Variants in NLGN1 observed in about 807,000 individuals in gnomAD.
NLGN1 encodes neuroligin-1.
NLGN1 carries 12 observed loss-of-function variants against 65.5 expected under a neutral mutation model. The observed-to-expected ratio is 0.18, with a 90% confidence interval of 0.12 to 0.30. The LOEUF (loss-of-function observed/expected upper bound fraction) is 0.30. Among genes scored for constraint, NLGN1 ranks in the 10% least tolerant of loss-of-function variants. The pLI is 1.00. For missense variants in NLGN1, 750 were observed against 1,007.1 expected (o/e 0.74, Z 3.46); for synonymous variants, 350 against 359.5 (o/e 0.97, Z 0.30).
intron 4 of NLGN1, among the ~76,000 whole-genome samples, chr3:174,147,609 T>C (rs564860123): frequency 3.0e-4 from 45 of 151,756 alleles, no homozygotes; most frequent in Non-Finnish European, 4.1e-4. Flanking sequence ...AATTTCTTTA[T>C]ATTTTTAGTA....
intron 4 of NLGN1, among the ~76,000 whole-genome samples, chr3:174,258,312 T>C (rs1746188896): frequency 6.6e-6 from 1 of 151,890 alleles, no homozygotes; most frequent in South Asian, 2.1e-4. Flanking sequence ...TATAAACAAA[T>C]GAATAAGTGA....
intron 1 of NLGN1, among the ~76,000 whole-genome samples, chr3:173,431,676 C>A (rs1208125518): frequency 3.9e-5 from 6 of 152,166 alleles, no homozygotes; most frequent in Non-Finnish European, 8.8e-5. Context: ...CAGCATCCTA[C>A]ACCAGAGTGG....
At chr3:173,722,487 G>A (rs1456961336) in intron 3 of NLGN1, among the ~76,000 whole-genome samples, 4 of 151,962 alleles carry the variant, frequency 2.6e-5, no homozygotes, top group Non-Finnish European at 4.4e-5. Context: ...TGATGTGCCC[G>A]CCTTGGCTTC....
intron 2 of NLGN1, among the ~76,000 whole-genome samples, chr3:173,492,345 A>G (rs891398310): frequency 1.3e-5 from 2 of 151,780 alleles, no homozygotes; most frequent in Non-Finnish European, 2.9e-5. Flanking sequence ...GAGCCTAAGC[A>G]TTTCATGTTT....
intron 1 of NLGN1, among the ~76,000 whole-genome samples, chr3:173,426,881 G>T (rs948374109): frequency 5.9e-5 from 9 of 152,022 alleles, no homozygotes; most frequent in African/African-American, 2.2e-4. Flanking sequence ...AAATTTTTTG[G>T]ATTAGTTTGA....
intron 4 of NLGN1, among the ~76,000 whole-genome samples, chr3:173,982,822 T>C (rs1719055281): frequency 6.6e-6 from 1 of 152,126 alleles, no homozygotes; most frequent in African/African-American, 2.4e-5. Context: ...AGGCCCAAAT[T>C]TAGGGTCTTG....
At chr3:173,798,259 C>A (rs542307027) in intron 3 of NLGN1, among the ~76,000 whole-genome samples, 1 of 152,152 alleles carries the variant, frequency 6.6e-6, no homozygotes, top group East Asian at 1.9e-4. Context: ...GCAATAAATG[C>A]CACTGCATTT....
chr3:173,907,757 G>A (rs1738742572), intron 4 of NLGN1, among the ~76,000 whole-genome samples: 1 of 151,872 alleles, frequency 6.6e-6, no homozygotes, highest in Non-Finnish European at 1.5e-5. Context: ...GCTAATTTTT[G>A]TATTCTTAGT....
chr3:173,409,268 ATATC>A (rs1261197688), intron 1 of NLGN1, among the ~76,000 whole-genome samples: 1 of 152,252 alleles, frequency 6.6e-6, no homozygotes, highest in Non-Finnish European at 1.5e-5. Context: ...GTATACATAT[ATATC>A]AATATGTAAA....
At chr3:173,588,946 A>C (rs1009867443) in intron 2 of NLGN1, among the ~76,000 whole-genome samples, 2 of 152,232 alleles carry the variant, frequency 1.3e-5, no homozygotes, top group Non-Finnish European at 2.9e-5. Context: ...AATAATACAC[A>C]TATTAGGGAC....
intron 3 of NLGN1, among the ~76,000 whole-genome samples, chr3:173,766,945 T>G (rs530662134): frequency 2.6e-5 from 4 of 152,270 alleles, no homozygotes; most frequent in Non-Finnish European, 4.4e-5. Context: ...TTTGAAAATT[T>G]GATTAAAACC....
intron 3 of NLGN1, among the ~76,000 whole-genome samples, chr3:173,770,015 G>T (rs777635835): frequency 5.9e-5 from 9 of 152,170 alleles, no homozygotes; most frequent in Non-Finnish European, 1.0e-4. Context: ...CTAAGCTTCT[G>T]TTATATTCCA....
chr3:173,593,274 G>A (rs9841467), intron 2 of NLGN1, among the ~76,000 whole-genome samples: 6,751 of 152,136 alleles, frequency 0.044, 515 homozygotes, highest in African/African-American at 0.16. Flanking sequence ...TGTTATATAG[G>A]TCAACTTGTG....
intron 2 of NLGN1, among the ~76,000 whole-genome samples, chr3:173,582,952 A>G (rs1015378267): frequency 6.6e-6 from 1 of 152,142 alleles, no homozygotes; most frequent in African/African-American, 2.4e-5. Flanking sequence ...TTGTATTATC[A>G]TTATTTCATA....
intron 4 of NLGN1, among the ~76,000 whole-genome samples, chr3:173,927,972 G>A (rs1743330611): frequency 6.6e-6 from 1 of 152,104 alleles, no homozygotes; most frequent in African/African-American, 2.4e-5. Context: ...AGGAATTGTA[G>A]AACACCCCTC....
chr3:174,253,167 C>T (rs1745074173), intron 4 of NLGN1, among the ~76,000 whole-genome samples: 1 of 149,408 alleles, frequency 6.7e-6, no homozygotes, highest in African/African-American at 2.4e-5. Flanking sequence ...CAACATAGCT[C>T]CCCTCCAATC....
chr3:173,469,625 G>A (rs1334064806), intron 2 of NLGN1, among the ~76,000 whole-genome samples: 2 of 150,242 alleles, frequency 1.3e-5, no homozygotes, highest in East Asian at 3.9e-4. Flanking sequence ...GTTGGCATAT[G>A]CACTTTTAAA....
intron 2 of NLGN1, among the ~76,000 whole-genome samples, chr3:173,550,605 CA>C: frequency 6.6e-6 from 1 of 151,934 alleles, no homozygotes; most frequent in East Asian, 1.9e-4. Flanking sequence ...TTGGAAAATG[CA>C]TAATGTTTAC....
chr3:174,193,694 G>A (rs1732812143), intron 4 of NLGN1, among the ~76,000 whole-genome samples: 1 of 152,096 alleles, frequency 6.6e-6, no homozygotes, highest in African/African-American at 2.4e-5. Context: ...TGGGAAAGCT[G>A]AATAAATAAT....
Sources: allele counts gnomAD v4.1 joint callset (sites outside exome capture counted in the v4.1 genomes callset), GRCh38; gene constraint gnomAD v4.1.1; transcripts MANE v1.5; gene names NCBI Gene and HGNC (gene_info 2026-07-23, HGNC 2026-07-21).